The following GABRG2 variants were observed in gnomAD, a reference collection of about 807,000 sequenced individuals.
GABRG2 encodes gamma-aminobutyric acid receptor subunit gamma-2.
In GABRG2, 16 loss-of-function variants were observed where a neutral mutation model predicts 56.4. The observed-to-expected ratio is 0.28, with a 90% CI of 0.19 to 0.43. The LOEUF is 0.43. Ranked by LOEUF, GABRG2 falls within the 20% of genes least tolerant of loss-of-function variation. The pLI, the probability that GABRG2 is intolerant of heterozygous loss-of-function variation, is 1.00. For missense variants in GABRG2, 327 were observed against 582.7 expected (o/e 0.56, Z 4.52); for synonymous variants, 208 against 205.5 (o/e 1.01, Z -0.10).
intron 1 of GABRG2, among the ~76,000 whole-genome samples, chr5:162,070,395 A>G (rs920812902): frequency 2.0e-5 from 3 of 152,078 alleles, no homozygotes; most frequent in Non-Finnish European, 2.9e-5. Flanking sequence ...AGAAGCTTTG[A>G]TTTATAAAGT....
chr5:162,096,743 C>T (rs1241177304), intron 3 of GABRG2, among the ~76,000 whole-genome samples: 1 of 143,664 alleles, frequency 7.0e-6, no homozygotes, highest in Non-Finnish European at 1.5e-5. Context: ...ACCATATCTG[C>T]TTTTTTTTTT....
At chr5:162,104,589 T>G (rs1376052058) in intron 6 of GABRG2, among the ~76,000 whole-genome samples, 2 of 152,122 alleles carry the variant, frequency 1.3e-5, no homozygotes, top group Non-Finnish European at 2.9e-5. Context: ...TCCAGATACC[T>G]AATGTGCATT....
chr5:162,151,523 G>A, intron 8 of GABRG2: 1 of 505,738 alleles, frequency 2.0e-6, no homozygotes, highest in Non-Finnish European at 3.5e-6. Flanking sequence ...AATTTCACTA[G>A]TAATTACAAA....
chr5:162,103,788 T>C, intron 5 of GABRG2, 101 bp from the exon 6 acceptor site: 1 of 1,299,452 alleles, frequency 7.7e-7, no homozygotes, highest in Admixed American at 1.8e-5. Flanking sequence ...CTTGTAACTA[T>C]CTTTCTCAGT....
rs1188522891 is a variant in GABRG2, at chr5:162,154,235, G to A, written c.*867G>A. ...TAACTAGAGTATAAAGTAATTGTAT[G>A]TGCTTGCCGCTATTTTTTTCTTCCT... On this transcript the variant is annotated 3_prime_UTR_variant, in exon 10 of 10. Transcript: ENST00000639213. 1 of 152,128 alleles carries A rather than the reference G, an allele frequency of 6.6e-6. No individual in the cohort carries two copies. 9.4% of individuals were successfully genotyped at this position (152,128 alleles called of 1,614,324 possible). A position where few individuals can be genotyped will look rare whatever the true frequency, so the allele number is the denominator to read the frequency against.
intron 6 of GABRG2, among the ~76,000 whole-genome samples, chr5:162,133,147 A>T (rs1462352601): frequency 6.6e-6 from 1 of 152,034 alleles, no homozygotes; most frequent in Non-Finnish European, 1.5e-5. Flanking sequence ...CCTTTTAACA[A>T]AGGAAAAAAA....
chr5:162,081,398 A>G (rs1036744609), intron 1 of GABRG2, among the ~76,000 whole-genome samples: 3 of 152,040 alleles, frequency 2.0e-5, no homozygotes, highest in Non-Finnish European at 2.9e-5. Flanking sequence ...TTTAACACAT[A>G]TATTTGTTCT....
intron 6 of GABRG2, among the ~76,000 whole-genome samples, chr5:162,123,870 G>T (rs755958378): frequency 2.0e-5 from 3 of 151,628 alleles, no homozygotes; most frequent in African/African-American, 7.3e-5. Flanking sequence ...TAATGTTTTT[G>T]TTTGTGTGTG....
intron 4 of GABRG2, chr5:162,099,041 A>G (rs1269943017): frequency 6.6e-6 from 1 of 152,114 alleles, no homozygotes. Flanking sequence ...TACATTTTCA[A>G]TCAAAATAAG....
chr5:162,117,325 G>A (rs365054), intron 6 of GABRG2, among the ~76,000 whole-genome samples: 63,518 of 151,932 alleles, frequency 0.42, 14,042 homozygotes, highest in East Asian at 0.85. Flanking sequence ...TCTAAGAAGC[G>A]ATAAACCAGA....
At chr5:162,138,932 C>T (rs907763706) in intron 6 of GABRG2, among the ~76,000 whole-genome samples, 1 of 151,890 alleles carries the variant, frequency 6.6e-6, no homozygotes, top group East Asian at 1.9e-4. Flanking sequence ...GAGATAGTTT[C>T]ATGTGGAAAA....
chr5:162,099,843 A>C (rs1761286857), intron 4 of GABRG2: 1 of 152,188 alleles, frequency 6.6e-6, no homozygotes, highest in Non-Finnish European at 1.5e-5. Context: ...AAAATGAGCT[A>C]TGAGTGTGTT....
chr5:162,136,504 T>G (rs913292140), intron 6 of GABRG2, among the ~76,000 whole-genome samples: 3 of 151,852 alleles, frequency 2.0e-5, no homozygotes, highest in African/African-American at 7.3e-5. Context: ...GTGGCATAGG[T>G]GGTCAGAAAG....
At chr5:162,118,529 T>C (rs540613523) in intron 6 of GABRG2, among the ~76,000 whole-genome samples, 78 of 152,150 alleles carry the variant, frequency 5.1e-4, no homozygotes, top group Non-Finnish European at 1.0e-3. Context: ...AGGCTAGAAG[T>C]AAAAAGATCT....
Position 162,096,195 on chromosome 5 carries a change from A to G in GABRG2, c.327+633A>G, listed in dbSNP as rs73800416. ...TGCTAAGTGAGAGATTGATGTGCCAATCGAGGTGATATATCATCACCTGCA... is the reference window on the plus strand; with the variant it reads ...TGCTAAGTGAGAGATTGATGTGCCAGTCGAGGTGATATATCATCACCTGCA... On this transcript the variant is annotated intron_variant, in intron 3 of 9. Coordinates refer to ENST00000639213, the MANE Select transcript of GABRG2 (RefSeq NM_198904.4). Among the ~76,000 whole-genome samples, 444 of 152,174 alleles carry G rather than the reference A, an allele frequency of 2.9e-3. 3 individuals carry two copies. The highest frequency in any genetic ancestry group is 0.01 in the African/African-American group (430 of 41,560).
intron 8 of GABRG2, 152 bp downstream of exon 8, chr5:162,149,465 A>G: frequency 1.3e-6 from 1 of 753,710 alleles, no homozygotes; most frequent in Non-Finnish European, 2.3e-6. Context: ...CGATTCATTT[A>G]CAGTCATTAG....
At chr5:162,145,618 A>G (rs148881629) in intron 7 of GABRG2, among the ~76,000 whole-genome samples, 2 of 152,190 alleles carry the variant, frequency 1.3e-5, no homozygotes, top group Non-Finnish European at 2.9e-5. Context: ...CTACTTCTAC[A>G]TGGCTTTGAT....
chr5:162,103,768 C>G, intron 5 of GABRG2, 121 bp from the exon 6 acceptor site: 9 of 1,104,542 alleles, frequency 8.1e-6, no homozygotes, highest in Non-Finnish European at 1.2e-5. Context: ...GGTCCAAGAT[C>G]CTCATTTAGC....
chr5:162,119,190 G>A (rs902867740), intron 6 of GABRG2, among the ~76,000 whole-genome samples: 24 of 152,178 alleles, frequency 1.6e-4, no homozygotes, highest in Middle Eastern at 3.4e-3. Flanking sequence ...CATTCAGTGC[G>A]TTCTCTTGTC....
Sources: allele counts gnomAD v4.1 joint callset (sites outside exome capture counted in the v4.1 genomes callset), GRCh38; gene constraint gnomAD v4.1.1; transcripts MANE v1.5; gene names NCBI Gene and HGNC (gene_info 2026-07-23, HGNC 2026-07-21).